The following SCAF8 variants were observed in gnomAD, a reference collection of about 807,000 sequenced individuals.
SCAF8 encodes the protein SR-related CTD associated factor 8.
Under a neutral mutation model 140.5 loss-of-function variants are expected in SCAF8, and 23 were observed. That is an observed-to-expected ratio of 0.16 (90% CI 0.12 to 0.23). The LOEUF is 0.23. Among genes scored for constraint, SCAF8 ranks in the 10% least tolerant of loss-of-function variants. The pLI is 1.00. For synonymous variants in SCAF8, 575 were observed against 528.9 expected, an observed-to-expected ratio of 1.09 and a Z score of -1.20; for missense variants, 1,397 against 1,555.7, an observed-to-expected ratio of 0.90 and a Z score of 1.72.
At chr6:154,744,183 C>G (rs1778639831) in intron 1 of SCAF8, among the ~76,000 whole-genome samples, 1 of 152,110 alleles carries the variant, frequency 6.6e-6, no homozygotes, top group African/African-American at 2.4e-5. Flanking sequence ...ATCCCAGCTA[C>G]TCAGGAGGCT....
rs570282268 is a variant in SCAF8, at chr6:154,832,453, T to G, written c.2874T>G (p.Leu958=). ...PQRGIPPPSV[L]DSALHPPPRG... ...GGGGAATCCCACCCCCATCGGTACT[T>G]GATTCAGCTCTTCATCCACCACCCC... Residue 958 remains leucine (L), a synonymous_variant, in exon 20 of 20, where the codon CTT becomes CTG. Transcript: ENST00000367178. The G allele has an allele frequency of 8.7e-6, 14 of 1,614,010 alleles. No individual in the cohort carries two copies. The highest frequency in any genetic ancestry group is 1.2e-5 in the Non-Finnish European group (14 of 1,179,998).
At chr6:154,756,650 C>T (rs1328055131) in intron 1 of SCAF8, among the ~76,000 whole-genome samples, 7 of 152,168 alleles carry the variant, frequency 4.6e-5, no homozygotes, top group African/African-American at 1.7e-4. Context: ...CAAATTTATA[C>T]ATTGTATACA....
chr6:154,765,472 C>T (rs1431564454), intron 1 of SCAF8, among the ~76,000 whole-genome samples: 1 of 152,080 alleles, frequency 6.6e-6, no homozygotes, highest in Non-Finnish European at 1.5e-5. Context: ...CAAAATTAAA[C>T]ACAATAGAAA....
intron 12 of SCAF8, among the ~76,000 whole-genome samples, chr6:154,813,019 T>C (rs949593699): frequency 6.9e-6 from 1 of 144,880 alleles, no homozygotes; most frequent in Non-Finnish European, 1.5e-5. Context: ...AGCAACAAAG[T>C]GAGATGCCAT....
intron 1 of SCAF8, among the ~76,000 whole-genome samples, chr6:154,766,869 G>A (rs1776586966): frequency 6.6e-6 from 1 of 151,938 alleles, no homozygotes; most frequent in African/African-American, 2.4e-5. Flanking sequence ...CTTATATGAT[G>A]TTCTATTGGG....
At chr6:154,816,417 CTGT>C (rs1349987251) in intron 13 of SCAF8, among the ~76,000 whole-genome samples, 2 of 152,166 alleles carry the variant, frequency 1.3e-5, no homozygotes, top group Non-Finnish European at 2.9e-5. Context: ...TCCTTTGAGT[CTGT>C]GTTTTATTCT....
At chr6:154,758,260 T>C (rs752699775) in intron 1 of SCAF8, among the ~76,000 whole-genome samples, 1 of 152,168 alleles carries the variant, frequency 6.6e-6, no homozygotes, top group African/African-American at 2.4e-5. Context: ...GTTGTAAGAC[T>C]TCATCAAAAT....
intron 1 of SCAF8, among the ~76,000 whole-genome samples, chr6:154,747,071 G>A (rs1469177953): frequency 6.6e-6 from 1 of 152,120 alleles, no homozygotes; most frequent in Non-Finnish European, 1.5e-5. Flanking sequence ...TCTACTGATG[G>A]GTGAAAGAAA....
intron 1 of SCAF8, among the ~76,000 whole-genome samples, chr6:154,747,896 CTGTGTGTGTGTGTGTGTGTGTG>C (rs71021073): frequency 2.1e-5 from 3 of 144,736 alleles, no homozygotes; most frequent in South Asian, 2.2e-4. Flanking sequence ...CATTTCATTT[CTGTGTGTGTGTGTGTGTGTGTG>C]TGTGTGTGTG....
chr6:154,824,986 TTAAAG>T (rs1254638646), intron 17 of SCAF8: 2 of 152,064 alleles, frequency 1.3e-5, no homozygotes, highest in Non-Finnish European at 2.9e-5. Context: ...ATTATTACTC[TTAAAG>T]TAATGTAAAA....
intron 3 of SCAF8, among the ~76,000 whole-genome samples, chr6:154,787,379 A>G (rs577708445): frequency 4.0e-4 from 61 of 152,092 alleles, no homozygotes; most frequent in Non-Finnish European, 6.2e-4. Flanking sequence ...TATATTTGAG[A>G]AAAAAAATGG....
At chr6:154,762,582 T>G (rs914105753) in intron 1 of SCAF8, among the ~76,000 whole-genome samples, 4 of 152,154 alleles carry the variant, frequency 2.6e-5, no homozygotes, top group African/African-American at 9.7e-5. Flanking sequence ...TTGTACAGGG[T>G]AGAAGTCTTG....
At chr6:154,769,838 A>G (rs1776685886) in intron 1 of SCAF8, among the ~76,000 whole-genome samples, 2 of 152,204 alleles carry the variant, frequency 1.3e-5, no homozygotes, top group South Asian at 2.1e-4. Context: ...TGAGGATACA[A>G]TGCAAATTAA....
chr6:154,740,817 C>T (rs544340190), intron 1 of SCAF8, among the ~76,000 whole-genome samples: 3 of 152,026 alleles, frequency 2.0e-5, no homozygotes, highest in South Asian at 4.2e-4. Context: ...TGGGGTCTTG[C>T]CATATTGCCC....
chr6:154,822,330 A>G lies in SCAF8; in HGVS notation c.1847A>G (p.Gln616Arg), dbSNP rs758970577. The G allele has an allele frequency of 6.2e-7, 1 of 1,613,740 alleles. No homozygotes were observed. The change falls in exon 16 of 20, where the codon CAG (glutamine) becomes CGG (arginine). Residue 616 changes from glutamine (Q) to arginine (R), a missense_variant. Physicochemically the swap from Gln to Arg is conservative, Grantham distance 43 (BLOSUM62 1). Coordinates refer to ENST00000367178, the MANE Select transcript of SCAF8 (RefSeq NM_014892.5). ...GTTAAAGAGACGGTCCAGACAACTC[A>G]GAGCCCAACTCCAGTTGAAAAGGAG... ...EPVKETVQTTQSPTPVEKETV... is the reference protein window; with the variant it reads ...EPVKETVQTTRSPTPVEKETV...
At chr6:154,753,363 A>G (rs1778886084) in intron 1 of SCAF8, among the ~76,000 whole-genome samples, 1 of 152,194 alleles carries the variant, frequency 6.6e-6, no homozygotes, top group Non-Finnish European at 1.5e-5. Context: ...GTTACTCGGG[A>G]GGCTGAGTCA....
At chr6:154,808,247 A>G in intron 10 of SCAF8, 46 bp downstream of exon 10, 1 of 1,550,554 alleles carries the variant, frequency 6.4e-7, no homozygotes, top group South Asian at 1.1e-5. Context: ...AAAAGTAGCT[A>G]AAGAAATCAT....
At chr6:154,747,847 A>G (rs1273275076) in intron 1 of SCAF8, among the ~76,000 whole-genome samples, 3 of 151,890 alleles carry the variant, frequency 2.0e-5, no homozygotes, top group Non-Finnish European at 4.4e-5. Flanking sequence ...AACAGACCAA[A>G]TGAAAAACCA....
intron 1 of SCAF8, among the ~76,000 whole-genome samples, chr6:154,771,165 A>G (rs1481215887): frequency 6.6e-6 from 1 of 152,254 alleles, no homozygotes; most frequent in Non-Finnish European, 1.5e-5. Context: ...TTAAATAATC[A>G]TACAAGTAAA....
Sources: gnomAD v4.1 joint callset for allele counts (sites outside exome capture counted in the v4.1 genomes callset) on GRCh38, gnomAD v4.1.1 for gene constraint, MANE v1.5 for transcripts, NCBI Gene and HGNC (gene_info 2026-07-23, HGNC 2026-07-21) for gene names.